The following TFEC variants were observed in gnomAD, a reference collection of about 807,000 sequenced individuals.
The protein encoded by TFEC is class E basic helix-loop-helix protein 34.
Under a neutral mutation model 41.6 loss-of-function variants are expected in TFEC, and 31 were observed. The ratio of observed to expected loss-of-function variants is 0.74; its 90% confidence interval spans 0.56 to 1.01. TFEC has a LOEUF of 1.01. Among genes scored for constraint, TFEC ranks in the 50% least tolerant of loss-of-function variants. The pLI is 0.00. For missense variants in TFEC, 402 were observed against 404.1 expected, an observed-to-expected ratio of 0.99 and a Z score of 0.04; for synonymous variants, 143 against 140.6, an observed-to-expected ratio of 1.02 and a Z score of -0.12.
At chr7:115,959,910 G>T (rs1390413910) in intron 3 of TFEC, among the ~76,000 whole-genome samples, 2 of 151,286 alleles carry the variant, frequency 1.3e-5, no homozygotes, top group Non-Finnish European at 3.0e-5. Flanking sequence ...CGAAAAGAGA[G>T]AAAAATAATA....
intron 1 of TFEC, among the ~76,000 whole-genome samples, chr7:116,131,415 T>C (rs1441776892): frequency 6.6e-6 from 1 of 152,184 alleles, no homozygotes; most frequent in East Asian, 1.9e-4. Flanking sequence ...AATTCTATCA[T>C]CCATAACATA....
At chr7:115,942,785 G>C (rs1205822783) in intron 6 of TFEC, among the ~76,000 whole-genome samples, 4 of 151,966 alleles carry the variant, frequency 2.6e-5, no homozygotes, top group Non-Finnish European at 5.9e-5. Context: ...AGAAATTAAA[G>C]ATATGAAATT....
chr7:116,051,226 A>G (rs1796304063), intron 3 of TFEC, among the ~76,000 whole-genome samples: 2 of 152,214 alleles, frequency 1.3e-5, no homozygotes, highest in South Asian at 4.1e-4. Flanking sequence ...CAGCACACCA[A>G]CATGGCACAT....
intron 1 of TFEC, among the ~76,000 whole-genome samples, chr7:116,114,646 C>A (rs553482407): frequency 1.3e-5 from 2 of 151,906 alleles, no homozygotes; most frequent in Non-Finnish European, 2.9e-5. Context: ...TAGGTCCCCA[C>A]GGCATGCGAA....
At chr7:116,099,305 G>A (rs1173179113) in intron 3 of TFEC, among the ~76,000 whole-genome samples, 1 of 152,168 alleles carries the variant, frequency 6.6e-6, no homozygotes, top group Non-Finnish European at 1.5e-5. Context: ...AGTAATGACT[G>A]CACCATGTTA....
intron 3 of TFEC, among the ~76,000 whole-genome samples, chr7:116,079,577 A>G (rs1345313524): frequency 9.2e-5 from 14 of 152,112 alleles, no homozygotes; most frequent in Non-Finnish European, 2.1e-4. Context: ...AACCCCTTTT[A>G]TAACAGCTGT....
intron 1 of TFEC, chr7:116,120,510 C>G (rs925944947): frequency 6.6e-6 from 1 of 151,950 alleles, no homozygotes; most frequent in Non-Finnish European, 1.5e-5. Flanking sequence ...ATAACATCCC[C>G]AGATGACTCT....
At chr7:116,076,603 C>T (rs551774753) in intron 3 of TFEC, among the ~76,000 whole-genome samples, 33 of 152,014 alleles carry the variant, frequency 2.2e-4, no homozygotes, top group Admixed American at 5.2e-4. Context: ...CTGGAAATCA[C>T]GGACACACTT....
At position 116,024,759 on chromosome 7, in the gene TFEC, A is replaced by G. The variant is rs530238062; in HGVS notation, c.-73+5874T>C. Among the ~76,000 whole-genome samples, 9 of 152,238 alleles carry G rather than the reference A, an allele frequency of 5.9e-5. No individual in the cohort carries two copies. In the East Asian group the frequency reaches 1.5e-3, roughly 26 times the overall value. On this transcript the variant is annotated intron_variant, in intron 1 of 7. Transcript: ENST00000265440. ...TGTTAAGAAGAGTACTTCATGTTTT[A>G]GCTTATCCATTTATTTTATACATTA... is the stretch of plus-strand genomic sequence containing the variant.
At chr7:116,156,664 A>G (rs1331381305) in intron 1 of TFEC, among the ~76,000 whole-genome samples, 1 of 152,170 alleles carries the variant, frequency 6.6e-6, no homozygotes, top group Non-Finnish European at 1.5e-5. Flanking sequence ...TTGCTTTTAC[A>G]GTTCCTAGAT....
chr7:116,094,342 T>C (rs1797398169), intron 3 of TFEC, among the ~76,000 whole-genome samples: 1 of 152,212 alleles, frequency 6.6e-6, no homozygotes, highest in African/African-American at 2.4e-5. Flanking sequence ...TAGTTTTTCG[T>C]AAGTACTACC....
chr7:115,946,287 A>G (rs1336020885), intron 6 of TFEC, among the ~76,000 whole-genome samples: 1 of 151,176 alleles, frequency 6.6e-6, no homozygotes, highest in African/African-American at 2.4e-5. Flanking sequence ...TCTAGTATGT[A>G]CATAAGGACA....
At chr7:115,997,495 C>T (rs1794414417) in intron 1 of TFEC, among the ~76,000 whole-genome samples, 1 of 152,082 alleles carries the variant, frequency 6.6e-6, no homozygotes, top group Non-Finnish European at 1.5e-5. Context: ...TACAAACCAG[C>T]CCGGACTGAA....
At chr7:116,097,399 C>T (rs955099312) in intron 3 of TFEC, among the ~76,000 whole-genome samples, 13 of 152,042 alleles carry the variant, frequency 8.6e-5, no homozygotes, top group Admixed American at 3.3e-4. Context: ...CAGATATTAA[C>T]AACAACATAA....
rs1015348893 is a variant in TFEC at position 115,958,709 on chromosome 7, C to T, written c.268-1916G>A. Among the ~76,000 whole-genome samples the T allele has an allele frequency of 2.0e-5, 3 of 151,802 alleles. No homozygotes were observed. In the East Asian group the frequency reaches 5.8e-4, roughly 29 times the overall value. ...TTAAATTCTGATAATGAATCTAATC[C>T]GGCTGAACTGTAGCCGTATTGCATA... On this transcript the variant is annotated intron_variant, in intron 3 of 7. Transcript: ENST00000265440.
Position 115,938,432 on chromosome 7 carries a change from A to G in TFEC, c.*2119T>C, listed in dbSNP as rs1332116765. 1 of 151,918 alleles carries G rather than the reference A, an allele frequency of 6.6e-6. No homozygotes were observed. The highest frequency in any genetic ancestry group is 1.5e-5 in the Non-Finnish European group (1 of 67,898). 9.4% of individuals were successfully genotyped at this position (151,918 alleles called of 1,614,324 possible). ...TGTAATATCGTCTTGAAAATTATTG[A>G]GAAGATGTATCTAATAGCTGTTTCA... On this transcript the variant is annotated 3_prime_UTR_variant, in exon 8 of 8. Transcript: ENST00000265440.
chr7:115,953,378 T>C (rs1484815579), intron 5 of TFEC, among the ~76,000 whole-genome samples: 1 of 152,068 alleles, frequency 6.6e-6, no homozygotes, highest in Non-Finnish European at 1.5e-5. Context: ...TTTTTCTAGA[T>C]TCATTCTATT....
At chr7:116,026,118 T>C (rs751037638) in intron 1 of TFEC, among the ~76,000 whole-genome samples, 1 of 152,188 alleles carries the variant, frequency 6.6e-6, no homozygotes, top group African/African-American at 2.4e-5. Context: ...CTTAAAAGCA[T>C]AGCTGTTCAT....
At chr7:116,061,072 A>G (rs901036895) in intron 3 of TFEC, among the ~76,000 whole-genome samples, 6 of 152,190 alleles carry the variant, frequency 3.9e-5, no homozygotes, top group Non-Finnish European at 7.4e-5. Context: ...TAGATTCAGC[A>G]TCTCAATAGA....
Sources: gnomAD v4.1 joint callset for allele counts (sites outside exome capture counted in the v4.1 genomes callset) on GRCh38, gnomAD v4.1.1 for gene constraint, MANE v1.5 for transcripts, NCBI Gene and HGNC (gene_info 2026-07-23, HGNC 2026-07-21) for gene names.